Variants in PCDHGA1 observed in about 807,000 individuals in gnomAD.
PCDHGA1 encodes the protein protocadherin gamma subfamily A, 1.
In PCDHGA1, 32 loss-of-function variants were observed where a neutral mutation model predicts 58.0. The ratio of observed to expected loss-of-function variants is 0.55; its 90% CI spans 0.42 to 0.74. The LOEUF (loss-of-function observed/expected upper bound fraction) is 0.74. Among genes scored for constraint, PCDHGA1 ranks in the 30% least tolerant of loss-of-function variants. The probability of loss-of-function intolerance (pLI) is 0.00; values close to 1 mark genes in which losing one functional copy is unlikely to be tolerated. For missense variants in PCDHGA1, 1,205 were observed against 1,182.3 expected, an observed-to-expected ratio of 1.02 and a Z score of -0.28; for synonymous variants, 498 against 501.1, an observed-to-expected ratio of 0.99 and a Z score of 0.08.
Position 141,384,308 on chromosome 5 carries a change from C to G in PCDHGA1, c.2421+51203C>G, listed in dbSNP as rs974367218. On this transcript the variant is annotated intron_variant, in intron 1 of 3. Transcript: ENST00000517417. ...GCTGAGAACAACCCCAGAGGGGCCT[C>G]CATTTTCTTAGTGACTGCACAGGAC... The G allele has an allele frequency of 1.5e-5, 25 of 1,613,736 alleles. No homozygotes were observed. The highest frequency in any genetic ancestry group is 2.1e-5 in the Non-Finnish European group (25 of 1,179,896).
intron 1 of PCDHGA1, chr5:141,427,649 C>T (rs1283312654): frequency 1.4e-6 from 1 of 717,274 alleles, no homozygotes; most frequent in East Asian, 2.7e-5. Context: ...AAGTCTCCTA[C>T]GTGGTCCACG....
intron 3 of PCDHGA1, among the ~76,000 whole-genome samples, chr5:141,509,781 T>TCATC (rs1198131164): frequency 6.6e-6 from 1 of 152,116 alleles, no homozygotes; most frequent in Non-Finnish European, 1.5e-5. Flanking sequence ...GTCCCCGAGA[T>TCATC]CATCATCTCC....
intron 1 of PCDHGA1, among the ~76,000 whole-genome samples, chr5:141,430,204 AATT>A (rs1179966513): frequency 6.6e-6 from 1 of 151,962 alleles, no homozygotes; most frequent in African/African-American, 2.4e-5. Context: ...AGAAAGTTTA[AATT>A]ATTATATTAT....
intron 1 of PCDHGA1, among the ~76,000 whole-genome samples, chr5:141,406,812 T>G (rs528041804): frequency 6.6e-6 from 1 of 152,350 alleles, no homozygotes; most frequent in East Asian, 1.9e-4. Context: ...CTCCAACTTT[T>G]GAGTCTAGAA....
intron 1 of PCDHGA1, chr5:141,422,190 A>G (rs761351024): frequency 6.4e-7 from 1 of 1,561,412 alleles, no homozygotes. Flanking sequence ...TGGAAATTCA[A>G]GGCCAAGATG....
intron 1 of PCDHGA1, among the ~76,000 whole-genome samples, chr5:141,463,377 G>T (rs1161419035): frequency 2.7e-5 from 4 of 147,358 alleles, no homozygotes; most frequent in Non-Finnish European, 3.0e-5. Flanking sequence ...CCCACAGTCT[G>T]AAAGTTGTCT....
intron 1 of PCDHGA1, chr5:141,365,167 C>A (rs201444039): frequency 2.5e-5 from 41 of 1,613,832 alleles, no homozygotes; most frequent in Non-Finnish European, 3.4e-5. Flanking sequence ...AATTGACCTA[C>A]TCTTTTCGCA....
chr5:141,441,609 A>G (rs922588350), intron 1 of PCDHGA1: 2 of 218,734 alleles, frequency 9.1e-6, no homozygotes, highest in South Asian at 5.5e-5. Context: ...TCCCTATTCC[A>G]TCGTGGCCAG....
intron 1 of PCDHGA1, chr5:141,372,773 T>C: frequency 1.2e-6 from 2 of 1,610,720 alleles, no homozygotes; most frequent in Non-Finnish European, 8.5e-7. Flanking sequence ...GTAATGACAA[T>C]CCAGAAATGC....
At chr5:141,403,804 T>G (rs2094456767) in intron 1 of PCDHGA1, 1 of 1,613,764 alleles carries the variant, frequency 6.2e-7, no homozygotes, top group Non-Finnish European at 8.5e-7. Context: ...TCTGGAAAAT[T>G]AATGAAAAAC....
At chr5:141,459,442 A>G (rs2098968073) in intron 1 of PCDHGA1, among the ~76,000 whole-genome samples, 1 of 152,198 alleles carries the variant, frequency 6.6e-6, no homozygotes, top group South Asian at 2.1e-4. Context: ...CATTCATTCA[A>G]CTGTTGGTGG....
intron 1 of PCDHGA1, chr5:141,418,106 G>T (rs2096223296): frequency 6.2e-7 from 1 of 1,613,954 alleles, no homozygotes. Flanking sequence ...GCAGAGCGGG[G>T]ACTTACTTGT....
intron 1 of PCDHGA1, among the ~76,000 whole-genome samples, chr5:141,407,316 GTATTTATAAA>G (rs2094915018): frequency 6.6e-6 from 1 of 152,094 alleles, no homozygotes; most frequent in Non-Finnish European, 1.5e-5. Flanking sequence ...TTCATACTTA[GTATTTATAAA>G]TATTGAAATG....
chr5:141,450,832 T>A (rs192186566), intron 1 of PCDHGA1, among the ~76,000 whole-genome samples: 5,292 of 142,276 alleles, frequency 0.037, 115 homozygotes, highest in Middle Eastern at 0.096. Flanking sequence ...TATTATTATT[T>A]TTTTTTTTTT....
chr5:141,454,691 C>T (rs745856768), intron 1 of PCDHGA1, among the ~76,000 whole-genome samples: 5 of 152,038 alleles, frequency 3.3e-5, no homozygotes, highest in Non-Finnish European at 5.9e-5. Flanking sequence ...CAGGCATGAG[C>T]CACCATGCTC....
Position 141,489,087 on chromosome 5 carries a change from T to TCAAA in PCDHGA1, c.2422-5720_2422-5719insCAAA. 4.6e-6 allele frequency: 1 copy of TCAAA among 216,106 alleles called. No individual in the cohort carries two copies. The highest frequency in any genetic ancestry group is 8.4e-6 in the Non-Finnish European group (1 of 118,736). The allele number at this position is 216,106 out of a possible 1,614,324, so 13.4% of individuals were successfully genotyped here. On this transcript the variant is annotated intron_variant, in intron 1 of 3. Coordinates refer to ENST00000517417, the MANE Select transcript of PCDHGA1 (RefSeq NM_018912.3). This position sits in a 1 kb window ranked among gnomAD's most constrained non-coding sequence, Gnocchi z 4.5. The stretch of plus-strand genomic sequence containing the variant: ...CCCCCTGCCCACCCCCGCCACTCGG[T>TCAAA]GACTAAGAACTGCTGCAAGCAGGCA...
At chr5:141,448,808 G>C (rs2098608218) in intron 1 of PCDHGA1, among the ~76,000 whole-genome samples, 2 of 152,080 alleles carry the variant, frequency 1.3e-5, no homozygotes, top group Admixed American at 1.3e-4. Flanking sequence ...AGCCAGGCGT[G>C]ATGGCGGGCG....
chr5:141,364,481 G>A, intron 1 of PCDHGA1: 2 of 1,614,028 alleles, frequency 1.2e-6, no homozygotes, highest in Non-Finnish European at 1.7e-6. Context: ...CATAGCCAAG[G>A]ACCTTGGGCT....
chr5:141,448,928 G>C (rs2098617520), intron 1 of PCDHGA1, among the ~76,000 whole-genome samples: 1 of 152,166 alleles, frequency 6.6e-6, no homozygotes, highest in Non-Finnish European at 1.5e-5. Context: ...CTGGGCGACA[G>C]AGCAAGACTG....
Sources: gnomAD v4.1 joint callset for allele counts (sites outside exome capture counted in the v4.1 genomes callset) on GRCh38, gnomAD v4.1.1 for gene constraint, Gnocchi (gnomAD v3.1) non-coding constraint, MANE v1.5 for transcripts, NCBI Gene and HGNC (gene_info 2026-07-23, HGNC 2026-07-21) for gene names.